NCAM2: variants seen among roughly 807,000 people sequenced by gnomAD.
The protein encoded by NCAM2 is neural cell adhesion molecule 2.
In NCAM2, 30 loss-of-function variants were observed where a neutral mutation model predicts 98.1. The observed-to-expected ratio is 0.31, with a 90% CI of 0.23 to 0.41. The LOEUF is 0.41. Ranked by LOEUF, NCAM2 falls within the 10% of genes least tolerant of loss-of-function variation. The pLI, the probability that NCAM2 is intolerant of heterozygous loss-of-function variation, is 1.00. For synonymous variants in NCAM2, 368 were observed against 342.4 expected (o/e 1.07, Z -0.83); for missense variants, 867 against 1,005.8 (o/e 0.86, Z 1.87).
intron 1 of NCAM2, among the ~76,000 whole-genome samples, chr21:21,182,005 C>A (rs1350168271): frequency 6.8e-6 from 1 of 146,326 alleles, no homozygotes; most frequent in Non-Finnish European, 1.5e-5. Flanking sequence ...CCAGCCTGGG[C>A]AACATGGTGA....
At chr21:21,366,135 A>G (rs989882264) in intron 8 of NCAM2, among the ~76,000 whole-genome samples, 1 of 152,088 alleles carries the variant, frequency 6.6e-6, no homozygotes, top group East Asian at 1.9e-4. Context: ...GAGTTTCTTC[A>G]TAGTGTATTT....
rs917306861 is a variant in NCAM2 at position 21,034,057 on chromosome 21, G to T, written c.55+35439G>T. ...GTGAGATAAGAGATAGGCAAAGGGGGGGGGGAAACAAAGATTGAGATAAGC... is the reference window on the plus strand; with the variant it reads ...GTGAGATAAGAGATAGGCAAAGGGGTGGGGGAAACAAAGATTGAGATAAGC... On this transcript the variant is annotated intron_variant, in intron 1 of 17. Transcript: ENST00000400546. Among the ~76,000 whole-genome samples, 19 of 150,884 alleles carry T rather than the reference G, an allele frequency of 1.3e-4. 1 individual carries two copies. The highest frequency in any genetic ancestry group is 4.4e-4 in the African/African-American group (18 of 41,090).
intron 1 of NCAM2, among the ~76,000 whole-genome samples, chr21:21,220,143 A>C (rs894333250): frequency 6.6e-6 from 1 of 152,172 alleles, no homozygotes; most frequent in African/African-American, 2.4e-5. Context: ...TTTTTAATAA[A>C]TTGTTGTAGC....
chr21:21,380,918 G>T (rs1228032348), intron 9 of NCAM2, among the ~76,000 whole-genome samples: 1 of 152,034 alleles, frequency 6.6e-6, no homozygotes, highest in East Asian at 1.9e-4. Flanking sequence ...CTTTTTCTCT[G>T]CTGATCTCTC....
chr21:21,116,453 G>C lies in NCAM2; in HGVS notation c.55+117835G>C, dbSNP rs555778432. ...ACCACAAGTAGATATGGCTGACGAA[G>C]TGTCTTTCACCTTGATAGGACGGCC... On this transcript the variant is annotated intron_variant, in intron 1 of 17. Coordinates refer to ENST00000400546, the MANE Select transcript of NCAM2 (RefSeq NM_004540.5). Among the ~76,000 whole-genome samples, 114 of 152,286 alleles carry C rather than the reference G, an allele frequency of 7.5e-4. 1 individual carries two copies. Among genetic ancestry groups the C allele is most frequent in the African/African-American group, 2.7e-3 (113 of 41,558 alleles).
intron 1 of NCAM2, among the ~76,000 whole-genome samples, chr21:21,035,778 T>G (rs745328968): frequency 2.0e-5 from 3 of 152,142 alleles, no homozygotes; most frequent in African/African-American, 7.2e-5. Context: ...ACACACACTT[T>G]AGGATTTGCA....
intron 1 of NCAM2, among the ~76,000 whole-genome samples, chr21:21,191,172 A>G (rs1315016608): frequency 6.6e-6 from 1 of 152,184 alleles, no homozygotes; most frequent in Non-Finnish European, 1.5e-5. Context: ...GTTATTTGGG[A>G]GAAATATACA....
intron 13 of NCAM2, 85 bp downstream of exon 13, chr21:21,466,810 T>C: frequency 7.4e-7 from 1 of 1,343,010 alleles, no homozygotes; most frequent in Non-Finnish European, 1.0e-6. Context: ...AGGGAGATGT[T>C]TCAACACTTT....
intron 1 of NCAM2, among the ~76,000 whole-genome samples, chr21:21,228,939 A>T (rs1003461906): frequency 2.0e-5 from 3 of 151,552 alleles, no homozygotes; most frequent in African/African-American, 7.2e-5. Flanking sequence ...TATTGTTTTT[A>T]AACATAAAAC....
chr21:21,363,367 G>A (rs1287678470), intron 8 of NCAM2, among the ~76,000 whole-genome samples: 1 of 152,182 alleles, frequency 6.6e-6, no homozygotes, highest in East Asian at 1.9e-4. Flanking sequence ...TTACCACTAG[G>A]TAGAATACTT....
chr21:21,002,870 A>G (rs1208495090), intron 1 of NCAM2, among the ~76,000 whole-genome samples: 2 of 152,140 alleles, frequency 1.3e-5, no homozygotes, highest in African/African-American at 2.4e-5. Flanking sequence ...TACAATCCCA[A>G]TTAAACTGAG....
At chr21:21,391,656 C>CT (rs1452602359) in intron 9 of NCAM2, among the ~76,000 whole-genome samples, 4 of 152,178 alleles carry the variant, frequency 2.6e-5, no homozygotes, top group Non-Finnish European at 2.9e-5. Context: ...TGTCTTCTCT[C>CT]TGCTTTAGTA....
intron 1 of NCAM2, among the ~76,000 whole-genome samples, chr21:21,277,712 T>C (rs1412247800): frequency 4.6e-5 from 7 of 152,084 alleles, no homozygotes; most frequent in African/African-American, 1.4e-4. Context: ...AAATCAATTT[T>C]GAAGATCTTT....
intron 1 of NCAM2, among the ~76,000 whole-genome samples, chr21:21,212,936 G>T (rs995441905): frequency 1.3e-5 from 2 of 151,776 alleles, no homozygotes. Context: ...TAGAGATGGG[G>T]TTTCCATGTT....
intron 1 of NCAM2, among the ~76,000 whole-genome samples, chr21:21,021,496 A>C (rs1262877564): frequency 6.6e-6 from 1 of 152,220 alleles, no homozygotes; most frequent in Non-Finnish European, 1.5e-5. Flanking sequence ...ATACATAGAC[A>C]TGTAAGAATG....
At chr21:21,193,736 C>T (rs1041525000) in intron 1 of NCAM2, among the ~76,000 whole-genome samples, 1 of 151,878 alleles carries the variant, frequency 6.6e-6, no homozygotes, top group Admixed American at 6.6e-5. Flanking sequence ...CCTCATGATC[C>T]GCCCACCTCG....
In NCAM2 at chr21:21,425,040, C is replaced by CAAAAAAAAAAAA. The variant is rs1192128472; in HGVS notation, c.1480+6488_1480+6499dup. Among the ~76,000 whole-genome samples, 123 of 43,844 alleles carry CAAAAAAAAAAAA rather than the reference C, an allele frequency of 2.8e-3. 4 individuals are homozygous for CAAAAAAAAAAAA. The highest frequency in any genetic ancestry group is 3.5e-3 in the Non-Finnish European group (81 of 22,834). The allele number at this position is 43,844 out of a possible 152,430, so 28.8% of individuals were successfully genotyped here. ...GACAAAAGCGGGACTCTTCCTCCTC[C>CAAAAAAAAAAAA]AAAAAAAAAAAAAAAAAAAAAAAAA... On this transcript the variant is annotated intron_variant, in intron 11 of 17. Transcript: ENST00000400546.
chr21:21,378,449 C>A (rs1007709576), intron 9 of NCAM2, among the ~76,000 whole-genome samples: 1 of 152,082 alleles, frequency 6.6e-6, no homozygotes, highest in African/African-American at 2.4e-5. Flanking sequence ...TTTTTAGGTA[C>A]TTGTTGGCCA....
At position 21,353,319 on chromosome 21, in the gene NCAM2, G is replaced by A. The variant is rs560428272; in HGVS notation, c.1044+14785G>A. 1.5e-3 allele frequency among the ~76,000 whole-genome samples: 232 copies of A among 152,208 alleles called. 2 individuals carry two copies. Among genetic ancestry groups the A allele is most frequent in the African/African-American group, 5.2e-3 (218 of 41,556 alleles). On this transcript the variant is annotated intron_variant, in intron 8 of 17. Transcript: ENST00000400546. ...CTTAGTTGTCAGAGATTGTGCTTCCGTATAGCTACAAAGTTTACTCTAAAA... is the reference window on the plus strand; with the variant it reads ...CTTAGTTGTCAGAGATTGTGCTTCCATATAGCTACAAAGTTTACTCTAAAA...
Sources: allele counts gnomAD v4.1 joint callset (sites outside exome capture counted in the v4.1 genomes callset), GRCh38; gene constraint gnomAD v4.1.1; transcripts MANE v1.5; gene names NCBI Gene and HGNC (gene_info 2026-07-23, HGNC 2026-07-21).